Variants in KBTBD12 observed in about 807,000 individuals in gnomAD.
KBTBD12 encodes kelch repeat and BTB domain-containing protein 12.
Under a neutral mutation model 58.7 loss-of-function variants are expected in KBTBD12, and 53 were observed. The observed-to-expected ratio is 0.90, with a 90% CI of 0.72 to 1.14. The LOEUF is 1.14. Ranked by LOEUF, KBTBD12 falls within the 50% of genes most tolerant of loss-of-function variation. The probability of loss-of-function intolerance (pLI) is 0.00; values close to 1 mark genes in which losing one functional copy is unlikely to be tolerated. For missense variants in KBTBD12, 704 were observed against 751.3 expected (o/e 0.94, Z 0.74); for synonymous variants, 236 against 259.8 (o/e 0.91, Z 0.88).
chr3:127,962,898 C>T (rs1472845735), intron 4 of KBTBD12, among the ~76,000 whole-genome samples: 1 of 152,206 alleles, frequency 6.6e-6, no homozygotes, highest in African/African-American at 2.4e-5. Context: ...AGGGGATGCT[C>T]ATGATGTGAA....
chr3:127,972,579 T>C (rs991090145), intron 5 of KBTBD12, among the ~76,000 whole-genome samples: 7 of 152,192 alleles, frequency 4.6e-5, no homozygotes, highest in African/African-American at 1.4e-4. Context: ...TGCTGTATTG[T>C]TGGATGATGG....
chr3:127,932,266 A>G (rs903137282), intron 4 of KBTBD12, among the ~76,000 whole-genome samples: 12 of 152,134 alleles, frequency 7.9e-5, no homozygotes, highest in African/African-American at 2.9e-4. Context: ...TCCCAAATAT[A>G]TTTATAAACT....
At chr3:127,967,576 T>C (rs1192568625) in intron 5 of KBTBD12, among the ~76,000 whole-genome samples, 1 of 152,118 alleles carries the variant, frequency 6.6e-6, no homozygotes. Flanking sequence ...AGAAGTAATA[T>C]AAAAAGTGTT....
At chr3:127,926,896 C>A (rs78910047) in intron 2 of KBTBD12, among the ~76,000 whole-genome samples, 2,121 of 151,978 alleles carry the variant, frequency 0.014, 23 homozygotes, top group Non-Finnish European at 0.022. Context: ...CCCCTCTGAC[C>A]AACCCCATGA....
intron 1 of KBTBD12, among the ~76,000 whole-genome samples, chr3:127,918,989 A>G (rs1939331059): frequency 1.3e-5 from 2 of 152,180 alleles, no homozygotes; most frequent in South Asian, 4.1e-4. Context: ...TTTTTTAAAC[A>G]GTGAAACTGG....
rs973057165 is a variant in KBTBD12 at position 127,915,595 on chromosome 3, G to T, written c.-113+9G>T. On this transcript the variant is annotated intron_variant, in intron 1 of 5. Transcript: ENST00000405109. Reference sequence around the variant, plus strand: ...AACCAGGCAGCACCTTCGTAAGTAGGGGTAGCGCCCCGGGGGAACGCGGCC... The same window carrying T: ...AACCAGGCAGCACCTTCGTAAGTAGTGGTAGCGCCCCGGGGGAACGCGGCC... The T allele has an allele frequency of 6.6e-6, 1 of 152,324 alleles. No individual in the cohort carries two copies. 9.4% of individuals were successfully genotyped at this position (152,324 alleles called of 1,614,324 possible). A position where few individuals can be genotyped will look rare whatever the true frequency, so the allele number is the denominator to read the frequency against.
intron 1 of KBTBD12, among the ~76,000 whole-genome samples, chr3:127,919,287 G>A (rs2107585484): frequency 6.6e-6 from 1 of 152,236 alleles, no homozygotes; most frequent in South Asian, 2.1e-4. Flanking sequence ...CAGGAGTGCA[G>A]TGGCACGATC....
At chr3:127,932,189 A>T (rs928367862) in intron 4 of KBTBD12, among the ~76,000 whole-genome samples, 1 of 152,138 alleles carries the variant, frequency 6.6e-6, no homozygotes, top group Admixed American at 6.6e-5. Flanking sequence ...TGATCACCCC[A>T]GTGAGCTTTA....
chr3:127,958,119 C>T (rs575873500), intron 4 of KBTBD12, among the ~76,000 whole-genome samples: 11 of 151,984 alleles, frequency 7.2e-5, no homozygotes, highest in Non-Finnish European at 1.2e-4. Context: ...GGGGCAGGGG[C>T]GGTGCAGGAG....
chr3:127,953,887 T>C (rs1358247392), intron 4 of KBTBD12, among the ~76,000 whole-genome samples: 1 of 152,198 alleles, frequency 6.6e-6, no homozygotes, highest in Non-Finnish European at 1.5e-5. Context: ...TTGGATAACT[T>C]CCTAGAAAGC....
intron 5 of KBTBD12, 49 bp downstream of exon 5, chr3:127,963,435 G>C (rs1248976983): frequency 1.4e-6 from 2 of 1,481,440 alleles, no homozygotes; most frequent in Non-Finnish European, 1.8e-6. Flanking sequence ...GTGTTGATTT[G>C]ACTTTCTTTA....
rs946748801 is a variant in KBTBD12 at position 127,924,184 on chromosome 3, A to T, written c.1070+53A>T. ...ATTATTTTGTTTTGATACTAGCAGC[A>T]GTAGAAGAAAGAACTGCAAAAAGTC... On this transcript the variant is annotated intron_variant, in intron 2 of 5. Transcript: ENST00000405109. 8.7e-6 allele frequency: 10 copies of T among 1,149,856 alleles called. No individual in the cohort carries two copies. The African/African-American group carries it at 1.5e-4, about 18-fold the overall frequency. The allele number at this position is 1,149,856 out of a possible 1,614,324, so 71.2% of individuals were successfully genotyped here. A position where few individuals can be genotyped will look rare whatever the true frequency, so the allele number is the denominator to read the frequency against.
At chr3:127,935,959 C>T (rs1939820828) in intron 4 of KBTBD12, among the ~76,000 whole-genome samples, 2 of 152,086 alleles carry the variant, frequency 1.3e-5, no homozygotes, top group South Asian at 2.1e-4. Context: ...AGAACTTTTA[C>T]TACAGACAAA....
chr3:127,976,627 A>G (rs954431322), intron 5 of KBTBD12, among the ~76,000 whole-genome samples: 2 of 152,212 alleles, frequency 1.3e-5, no homozygotes, highest in Non-Finnish European at 2.9e-5. Flanking sequence ...GTCTAATTTC[A>G]TCACTGTGTA....
chr3:127,950,231 G>T (rs190867032), intron 4 of KBTBD12, among the ~76,000 whole-genome samples: 2 of 152,182 alleles, frequency 1.3e-5, no homozygotes, highest in African/African-American at 4.8e-5. Context: ...AAACACACAT[G>T]CAGGGGAAAG....
At chr3:127,928,314 G>C (rs988390209) in intron 3 of KBTBD12, among the ~76,000 whole-genome samples, 18 of 152,252 alleles carry the variant, frequency 1.2e-4, no homozygotes, top group African/African-American at 3.9e-4. Flanking sequence ...TTTGTGCTGA[G>C]GGATTATCTG....
At chr3:127,927,307 G>C (rs1024640114) in intron 2 of KBTBD12, among the ~76,000 whole-genome samples, 1 of 152,130 alleles carries the variant, frequency 6.6e-6, no homozygotes, top group African/African-American at 2.4e-5. Context: ...TTTGTGAATT[G>C]AGATGTTTTT....
At chr3:127,966,077 AG>A (rs1302351545) in intron 5 of KBTBD12, among the ~76,000 whole-genome samples, 2 of 152,206 alleles carry the variant, frequency 1.3e-5, no homozygotes, top group Admixed American at 1.3e-4. Context: ...ACCCTGACAA[AG>A]GCTGAGGTTG....
chr3:127,925,463 C>T (rs1455461775), intron 2 of KBTBD12, among the ~76,000 whole-genome samples: 3 of 152,008 alleles, frequency 2.0e-5, no homozygotes, highest in African/African-American at 7.3e-5. Context: ...TTTTTTTCTT[C>T]CTCCTCAAGA....
Sources: gnomAD v4.1 joint callset for allele counts (sites outside exome capture counted in the v4.1 genomes callset) on GRCh38, gnomAD v4.1.1 for gene constraint, MANE v1.5 for transcripts, NCBI Gene and HGNC (gene_info 2026-07-23, HGNC 2026-07-21) for gene names.